PSD3: variants seen among roughly 807,000 people sequenced by gnomAD.
PSD3 encodes the protein pleckstrin and Sec7 domain containing 3.
A neutral mutation model predicts 105.5 loss-of-function variants in PSD3; 49 were observed. That is an observed-to-expected ratio of 0.46 (90% CI 0.37 to 0.59). The LOEUF is 0.59. Ranked by LOEUF, PSD3 falls within the 20% of genes least tolerant of loss-of-function variation. PSD3 has a pLI of 0.00. For missense variants in PSD3, 1,561 were observed against 1,263.8 expected (o/e 1.24, Z -3.57); for synonymous variants, 557 against 457.8 (o/e 1.22, Z -2.77).
intron 9 of PSD3, among the ~76,000 whole-genome samples, chr8:18,715,151 T>C (rs919614290): frequency 3.3e-5 from 5 of 151,876 alleles, no homozygotes; most frequent in African/African-American, 1.2e-4. Flanking sequence ...ACGGAGAACA[T>C]CAGGAAAAAT....
At chr8:18,691,747 C>T (rs1585633264) in intron 9 of PSD3, among the ~76,000 whole-genome samples, 1 of 152,104 alleles carries the variant, frequency 6.6e-6, no homozygotes, top group African/African-American at 2.4e-5. Flanking sequence ...TCCCCAAGTG[C>T]CTAATACATG....
At chr8:18,987,147 T>C (rs1415078813) in intron 1 of PSD3, among the ~76,000 whole-genome samples, 1 of 152,148 alleles carries the variant, frequency 6.6e-6, no homozygotes, top group Admixed American at 6.6e-5. Flanking sequence ...CACCCTTTTG[T>C]TTTTAAAAGA....
chr8:19,075,827 A>T (rs1829447973), intron 1 of PSD3, among the ~76,000 whole-genome samples: 1 of 152,248 alleles, frequency 6.6e-6, no homozygotes, highest in Non-Finnish European at 1.5e-5. Context: ...AAAGCAGAAA[A>T]AGAATCTTCT....
intron 2 of PSD3, among the ~76,000 whole-genome samples, chr8:18,898,062 T>C (rs945483402): frequency 5.3e-5 from 8 of 152,178 alleles, no homozygotes; most frequent in Non-Finnish European, 8.8e-5. Context: ...TGGCTATGGT[T>C]TTCTCATATA....
chr8:19,041,785 T>C (rs184521990), intron 1 of PSD3, among the ~76,000 whole-genome samples: 9 of 152,362 alleles, frequency 5.9e-5, no homozygotes, highest in African/African-American at 2.2e-4. Context: ...GCAAAAGTTT[T>C]CTGACGCATT....
At chr8:19,055,019 T>G (rs1828661430) in intron 1 of PSD3, among the ~76,000 whole-genome samples, 1 of 152,176 alleles carries the variant, frequency 6.6e-6, no homozygotes, top group African/African-American at 2.4e-5. Context: ...CTAGACAATG[T>G]GAGATGCATT....
chr8:18,707,995 C>A (rs568347788), intron 9 of PSD3, among the ~76,000 whole-genome samples: 2 of 152,300 alleles, frequency 1.3e-5, no homozygotes, highest in African/African-American at 4.8e-5. Flanking sequence ...CTTCTCTGCT[C>A]TTGTACCAGG....
At chr8:18,868,545 C>T (rs150916338) in intron 3 of PSD3, among the ~76,000 whole-genome samples, 3 of 152,168 alleles carry the variant, frequency 2.0e-5, no homozygotes, top group Non-Finnish European at 4.4e-5. Context: ...CAGATGACTG[C>T]ATCAGAAGCC....
chr8:18,610,574 C>T (rs766167288), intron 11 of PSD3, among the ~76,000 whole-genome samples: 20 of 152,202 alleles, frequency 1.3e-4, no homozygotes, highest in Non-Finnish European at 2.6e-4. Context: ...CTCAATTAAA[C>T]TCCTTTAAAT....
intron 9 of PSD3, among the ~76,000 whole-genome samples, chr8:18,666,427 T>C (rs373611577): frequency 6.6e-6 from 1 of 152,242 alleles, no homozygotes; most frequent in Non-Finnish European, 1.5e-5. Context: ...TTTGTTTTAT[T>C]GCTGTGGTCT....
intron 1 of PSD3, among the ~76,000 whole-genome samples, chr8:18,953,471 G>A (rs58097787): frequency 0.4 from 61,158 of 151,998 alleles, 12,479 homozygotes; most frequent in African/African-American, 0.42. Context: ...TAAATAGGCC[G>A]GGTGTGGTGG....
At chr8:18,795,058 G>A (rs1054900272) in intron 8 of PSD3, among the ~76,000 whole-genome samples, 1 of 152,124 alleles carries the variant, frequency 6.6e-6, no homozygotes, top group African/African-American at 2.4e-5. Context: ...AAGAAATAAT[G>A]AATTCTTACA....
intron 8 of PSD3, among the ~76,000 whole-genome samples, chr8:18,791,989 A>G (rs1809766132): frequency 6.6e-6 from 1 of 152,254 alleles, no homozygotes; most frequent in South Asian, 2.1e-4. Flanking sequence ...ACTGATCAAT[A>G]TCGCAAATCA....
chr8:18,741,969 G>C (rs1046318028), intron 9 of PSD3, among the ~76,000 whole-genome samples: 2 of 152,186 alleles, frequency 1.3e-5, no homozygotes, highest in African/African-American at 4.8e-5. Flanking sequence ...ATACTTAAAC[G>C]AAAGTGTTTA....
At chr8:18,762,797 T>C in intron 9 of PSD3, 1 of 569,554 alleles carries the variant, frequency 1.8e-6, no homozygotes, top group Non-Finnish European at 2.6e-6. Flanking sequence ...GTACACAAGC[T>C]TCTCATTTCT....
intron 1 of PSD3, among the ~76,000 whole-genome samples, chr8:18,939,465 A>G (rs1554548099): frequency 6.6e-6 from 1 of 152,156 alleles, no homozygotes; most frequent in Non-Finnish European, 1.5e-5. Context: ...TTGAAATGAT[A>G]ATAGTTACTA....
At chr8:18,989,521 T>G (rs142413925) in intron 1 of PSD3, 1 of 152,192 alleles carries the variant, frequency 6.6e-6, no homozygotes, top group Non-Finnish European at 1.5e-5. Flanking sequence ...ATAGCAAGTA[T>G]AGGTTAGATG....
chr8:18,864,610 G>A (rs1445060992), intron 4 of PSD3: 2 of 152,134 alleles, frequency 1.3e-5, no homozygotes, highest in Non-Finnish European at 2.9e-5. Flanking sequence ...CTTCCTCAGA[G>A]CTCACTTTAT....
In PSD3 at chr8:18,894,135, C is replaced by T. The variant is rs541664408; in HGVS notation, c.131-21402G>A. On this transcript the variant is annotated intron_variant, in intron 2 of 15. Transcript: ENST00000327040. ...TACCAGTGCTGGGAACCAGCCTTTG[C>T]TACATTACCATGTGATTTGGGCCAG... Among the ~76,000 whole-genome samples the T allele has an allele frequency of 5.9e-5, 9 of 152,332 alleles. No individual in the cohort carries two copies. The East Asian group carries it at 1.7e-3, about 29-fold the overall frequency.
Sources: gnomAD v4.1 joint callset for allele counts (sites outside exome capture counted in the v4.1 genomes callset) on GRCh38, gnomAD v4.1.1 for gene constraint, MANE v1.5 for transcripts, NCBI Gene and HGNC (gene_info 2026-07-23, HGNC 2026-07-21) for gene names.